GRID2: variants seen among roughly 807,000 people sequenced by gnomAD.
GRID2 encodes the protein glutamate receptor ionotropic, delta-2.
In GRID2, 33 loss-of-function variants were observed where a neutral mutation model predicts 114.8. That is an observed-to-expected ratio of 0.29 (90% CI 0.22 to 0.38). The LOEUF is 0.38. Among genes scored for constraint, GRID2 ranks in the 10% least tolerant of loss-of-function variants. The probability of loss-of-function intolerance (pLI) is 1.00; values close to 1 mark genes in which losing one functional copy is unlikely to be tolerated. For missense variants in GRID2, 1,184 were observed against 1,257.7 expected (o/e 0.94, Z 0.89); for synonymous variants, 505 against 449.9 (o/e 1.12, Z -1.55).
chr4:93,805,600 C>G (rs1002683205), intron 1 of GRID2, among the ~76,000 whole-genome samples: 1 of 152,116 alleles, frequency 6.6e-6, no homozygotes, highest in Admixed American at 6.5e-5. Context: ...AAACATGAAA[C>G]CTAGGTACAA....
At chr4:92,470,432 T>C (rs1721978383) in intron 1 of GRID2, among the ~76,000 whole-genome samples, 1 of 151,930 alleles carries the variant, frequency 6.6e-6, no homozygotes, top group Non-Finnish European at 1.5e-5. Flanking sequence ...ACTTAGAAAA[T>C]AATACCAGTC....
chr4:93,602,813 A>G (rs1739829643), intron 13 of GRID2, among the ~76,000 whole-genome samples: 1 of 152,248 alleles, frequency 6.6e-6, no homozygotes, highest in South Asian at 2.1e-4. Flanking sequence ...AAGACAGGCT[A>G]AAAGCTAGGC....
intron 2 of GRID2, among the ~76,000 whole-genome samples, chr4:92,720,643 A>T (rs1735767051): frequency 1.3e-5 from 2 of 152,114 alleles, no homozygotes; most frequent in African/African-American, 4.8e-5. Flanking sequence ...ATGCAGAAAC[A>T]TTACAATTTA....
intron 4 of GRID2, among the ~76,000 whole-genome samples, chr4:93,115,631 A>G (rs1733172201): frequency 1.3e-5 from 2 of 152,106 alleles, no homozygotes; most frequent in South Asian, 4.1e-4. Flanking sequence ...GGTAATTTAT[A>G]AAGAAAAAGA....
chr4:92,937,281 G>C lies in GRID2; in HGVS notation c.245-147714G>C, dbSNP rs1750745479. 2.0e-5 allele frequency among the ~76,000 whole-genome samples: 3 copies of C among 146,556 alleles called. 1 individual carries two copies. The highest frequency in any genetic ancestry group is 4.5e-5 in the Non-Finnish European group (3 of 66,246). On this transcript the variant is annotated intron_variant, in intron 2 of 15. Transcript: ENST00000282020. ...TTATTACCAAATCCAAGGTCATAGAGATTTTCCGCATTCTTTCTTCTAAGA... is the reference window on the plus strand; with the variant it reads ...TTATTACCAAATCCAAGGTCATAGACATTTTCCGCATTCTTTCTTCTAAGA...
At chr4:93,009,556 TGTG>T (rs1209632748) in intron 2 of GRID2, among the ~76,000 whole-genome samples, 1 of 152,142 alleles carries the variant, frequency 6.6e-6, no homozygotes, top group Non-Finnish European at 1.5e-5. Flanking sequence ...CATTTTTCCT[TGTG>T]GGGCCAAAAT....
At chr4:92,556,022 G>T (rs1444269292) in intron 1 of GRID2, among the ~76,000 whole-genome samples, 2 of 152,056 alleles carry the variant, frequency 1.3e-5, no homozygotes, top group African/African-American at 4.8e-5. Flanking sequence ...ATGACAATGG[G>T]CCCTGAAGGA....
intron 13 of GRID2, among the ~76,000 whole-genome samples, chr4:93,625,681 C>T (rs1246321179): frequency 6.6e-6 from 1 of 151,914 alleles, no homozygotes; most frequent in African/African-American, 2.4e-5. Context: ...TTTGGGAGGC[C>T]GAGGCGGGCG....
In GRID2 at chr4:93,303,758, T is replaced by G. The variant is rs1755119771; in HGVS notation, c.1245+65268T>G. ...ATCCATTCTACCATCCATCCATCCA[T>G]CCATCTAAACTTACCAACTATGACT... On this transcript the variant is annotated intron_variant, in intron 8 of 15. Coordinates refer to ENST00000282020, the MANE Select transcript of GRID2 (RefSeq NM_001510.4). Among the ~76,000 whole-genome samples the G allele has an allele frequency of 2.0e-5, 3 of 152,208 alleles. No homozygotes were observed. In the South Asian group the frequency reaches 6.2e-4, roughly 32 times the overall value.
At chr4:92,683,422 A>G (rs1426991286) in intron 2 of GRID2, among the ~76,000 whole-genome samples, 1 of 152,220 alleles carries the variant, frequency 6.6e-6, no homozygotes, top group African/African-American at 2.4e-5. Context: ...ATCTGAAACC[A>G]GATATCAAGA....
intron 1 of GRID2, among the ~76,000 whole-genome samples, chr4:92,417,179 G>A (rs1169154241): frequency 6.6e-6 from 1 of 151,972 alleles, no homozygotes; most frequent in Admixed American, 6.6e-5. Flanking sequence ...ATAAATTTTT[G>A]TTTTTGAAAA....
At chr4:92,440,965 G>T (rs1295469595) in intron 1 of GRID2, among the ~76,000 whole-genome samples, 3 of 152,130 alleles carry the variant, frequency 2.0e-5, no homozygotes, top group African/African-American at 7.2e-5. Context: ...ATAGATTTTG[G>T]AAGTTATGAG....
intron 7 of GRID2, among the ~76,000 whole-genome samples, chr4:93,236,598 T>C (rs1414396052): frequency 6.6e-6 from 1 of 151,996 alleles, no homozygotes; most frequent in Non-Finnish European, 1.5e-5. Context: ...ATCTTCCACC[T>C]AGTAAATATT....
intron 2 of GRID2, among the ~76,000 whole-genome samples, chr4:92,869,725 A>G (rs1745137674): frequency 6.6e-6 from 1 of 152,042 alleles, no homozygotes; most frequent in Admixed American, 6.6e-5. Flanking sequence ...GATCATGCCA[A>G]TCTCTTTCCC....
intron 2 of GRID2, among the ~76,000 whole-genome samples, chr4:92,735,840 GCCAT>G (rs1364790104): frequency 2.6e-5 from 4 of 152,082 alleles, no homozygotes; most frequent in African/African-American, 9.6e-5. Context: ...AATCAATGAA[GCCAT>G]ATAAGTTTGG....
chr4:93,677,894 G>A (rs1725069611), intron 14 of GRID2, among the ~76,000 whole-genome samples: 1 of 151,894 alleles, frequency 6.6e-6, no homozygotes, highest in African/African-American at 2.4e-5. Context: ...CCAAAGGAAT[G>A]CAGTTCCTCA....
intron 4 of GRID2, among the ~76,000 whole-genome samples, chr4:93,198,587 T>C (rs938943112): frequency 6.6e-6 from 1 of 152,054 alleles, no homozygotes; most frequent in African/African-American, 2.4e-5. Context: ...ACGATTTCAT[T>C]AAGGCTGGGA....
At chr4:93,758,154 A>G (rs1732912664) in intron 14 of GRID2, among the ~76,000 whole-genome samples, 1 of 152,180 alleles carries the variant, frequency 6.6e-6, no homozygotes, top group Non-Finnish European at 1.5e-5. Flanking sequence ...AAATTGAAGC[A>G]CTTCATTTCA....
intron 1 of GRID2, among the ~76,000 whole-genome samples, chr4:92,528,928 A>G (rs568952517): frequency 4.4e-4 from 67 of 152,188 alleles, no homozygotes; most frequent in African/African-American, 1.5e-3. Context: ...GGACTGGTAA[A>G]AAGTCTTTTC....
Sources: allele counts gnomAD v4.1 joint callset (sites outside exome capture counted in the v4.1 genomes callset), GRCh38; gene constraint gnomAD v4.1.1; transcripts MANE v1.5; gene names NCBI Gene and HGNC (gene_info 2026-07-23, HGNC 2026-07-21).